Variants in GALNTL6 observed in about 807,000 individuals in gnomAD.
The protein encoded by GALNTL6 is polypeptide N-acetylgalactosaminyltransferase-like 6.
In GALNTL6, 46 loss-of-function variants were observed where a neutral mutation model predicts 73.7. The observed-to-expected ratio is 0.62, with a 90% CI of 0.49 to 0.80. The LOEUF (loss-of-function observed/expected upper bound fraction) is 0.80, where lower values mean the gene tolerates loss of function less well. Among genes scored for constraint, GALNTL6 ranks in the 30% least tolerant of loss-of-function variants. The pLI, the probability that GALNTL6 is intolerant of heterozygous loss-of-function variation, is 0.00. For missense variants in GALNTL6, 604 were observed against 755.0 expected, an observed-to-expected ratio of 0.80 and a Z score of 2.34; for synonymous variants, 259 against 263.7, an observed-to-expected ratio of 0.98 and a Z score of 0.17.
intron 2 of GALNTL6, among the ~76,000 whole-genome samples, chr4:171,925,636 T>A (rs1309793945): frequency 6.6e-6 from 1 of 152,226 alleles, no homozygotes; most frequent in Non-Finnish European, 1.5e-5. Context: ...TACATCTCCA[T>A]TTTAGAATTG....
intron 2 of GALNTL6, among the ~76,000 whole-genome samples, chr4:172,091,609 A>G (rs947619817): frequency 1.3e-5 from 2 of 152,104 alleles, no homozygotes; most frequent in African/African-American, 4.8e-5. Context: ...TTCCAGTCAA[A>G]GCCTTGGTAA....
intron 5 of GALNTL6, among the ~76,000 whole-genome samples, chr4:172,786,114 G>C (rs1337411113): frequency 6.6e-6 from 1 of 151,200 alleles, no homozygotes; most frequent in Non-Finnish European, 1.5e-5. Context: ...AGGGCTACGA[G>C]AGACACTAAT....
At chr4:171,850,358 T>C (rs1449235844) in intron 2 of GALNTL6, among the ~76,000 whole-genome samples, 1 of 152,196 alleles carries the variant, frequency 6.6e-6, no homozygotes, top group Non-Finnish European at 1.5e-5. Context: ...AACCAGTCCA[T>C]GGTCAGCGAT....
intron 7 of GALNTL6, among the ~76,000 whole-genome samples, chr4:172,872,135 G>T (rs1183576954): frequency 6.6e-6 from 1 of 152,134 alleles, no homozygotes; most frequent in Non-Finnish European, 1.5e-5. Flanking sequence ...GATATTTGGG[G>T]ATTCATTTCT....
intron 2 of GALNTL6, among the ~76,000 whole-genome samples, chr4:172,190,910 G>C (rs1041742439): frequency 1.4e-4 from 22 of 152,168 alleles, no homozygotes; most frequent in African/African-American, 5.3e-4. Flanking sequence ...CCAAAGGAAA[G>C]ATTTTATTCT....
intron 2 of GALNTL6, among the ~76,000 whole-genome samples, chr4:171,925,030 A>G (rs1737936356): frequency 6.6e-6 from 1 of 152,198 alleles, no homozygotes; most frequent in Non-Finnish European, 1.5e-5. Flanking sequence ...GACACCAAAG[A>G]TATGTGAATG....
Position 172,633,366 on chromosome 4 carries a change from G to A in GALNTL6, c.554-175995G>A, listed in dbSNP as rs185041736. Among the ~76,000 whole-genome samples the A allele has an allele frequency of 7.0e-4, 107 of 152,346 alleles. 1 individual carries two copies. The South Asian group carries it at 0.015, about 22-fold the overall frequency. ...GTATGACCTGGATGTAAGACATGGAGTCAAAGACAATCATTTTGGAGCTTT... is the reference window on the plus strand; with the variant it reads ...GTATGACCTGGATGTAAGACATGGAATCAAAGACAATCATTTTGGAGCTTT... On this transcript the variant is annotated intron_variant, in intron 5 of 12. Coordinates refer to ENST00000506823, the MANE Select transcript of GALNTL6 (RefSeq NM_001034845.3).
At chr4:172,618,468 C>T (rs570027163) in intron 5 of GALNTL6, among the ~76,000 whole-genome samples, 1 of 152,262 alleles carries the variant, frequency 6.6e-6, no homozygotes, top group East Asian at 1.9e-4. Context: ...GCCCCAGACC[C>T]AACTCATCTG....
chr4:172,360,540 G>A (rs956370398), intron 5 of GALNTL6, among the ~76,000 whole-genome samples: 3 of 151,904 alleles, frequency 2.0e-5, no homozygotes, highest in African/African-American at 7.3e-5. Context: ...CTAAATGAAC[G>A]GTTTTATTGC....
chr4:171,878,085 G>A (rs142779850), intron 2 of GALNTL6, among the ~76,000 whole-genome samples: 161 of 152,306 alleles, frequency 1.1e-3, no homozygotes, highest in Non-Finnish European at 1.0e-3. Context: ...TCTGTTCAGA[G>A]TAGAACTAAC....
At chr4:171,922,459 A>G (rs991546898) in intron 2 of GALNTL6, among the ~76,000 whole-genome samples, 1 of 152,138 alleles carries the variant, frequency 6.6e-6, no homozygotes, top group South Asian at 2.1e-4. Flanking sequence ...ATCTGGTACT[A>G]ATAAGAACAT....
intron 2 of GALNTL6, among the ~76,000 whole-genome samples, chr4:171,940,343 A>T (rs1640565761): frequency 6.7e-6 from 1 of 150,002 alleles, no homozygotes; most frequent in Non-Finnish European, 1.5e-5. Context: ...TTATTTGGGG[A>T]TGCAAATAAG....
intron 2 of GALNTL6, among the ~76,000 whole-genome samples, chr4:172,175,493 G>A (rs1343653961): frequency 6.6e-6 from 1 of 152,042 alleles, no homozygotes; most frequent in Non-Finnish European, 1.5e-5. Flanking sequence ...AGAGGCAAAA[G>A]GAACAAAACA....
chr4:172,739,168 T>C (rs544686859), intron 5 of GALNTL6, among the ~76,000 whole-genome samples: 1 of 152,298 alleles, frequency 6.6e-6, no homozygotes, highest in Admixed American at 6.5e-5. Flanking sequence ...ATTTAGATGG[T>C]TGGAGGGCCT....
chr4:172,750,446 A>G (rs11937988), intron 5 of GALNTL6, among the ~76,000 whole-genome samples: 2,061 of 152,294 alleles, frequency 0.014, 54 homozygotes, highest in African/African-American at 0.047. Context: ...AATGATGCCA[A>G]CATTATTGTC....
At chr4:172,925,010 T>A (rs1235292477) in intron 8 of GALNTL6, among the ~76,000 whole-genome samples, 1 of 152,110 alleles carries the variant, frequency 6.6e-6, no homozygotes. Flanking sequence ...TACCTGGGAC[T>A]ACAGGTGCCT....
At chr4:171,996,395 AAT>A (rs1263072611) in intron 2 of GALNTL6, among the ~76,000 whole-genome samples, 1 of 152,038 alleles carries the variant, frequency 6.6e-6, no homozygotes, top group Non-Finnish European at 1.5e-5. Flanking sequence ...TTATTTTATA[AAT>A]CAGATTTCTA....
At chr4:172,254,970 A>T (rs2111023172) in intron 3 of GALNTL6, among the ~76,000 whole-genome samples, 1 of 151,840 alleles carries the variant, frequency 6.6e-6, no homozygotes, top group African/African-American at 2.4e-5. Flanking sequence ...TTAAATTATA[A>T]CTAAAATGGA....
chr4:171,986,691 T>C (rs962728296), intron 2 of GALNTL6, among the ~76,000 whole-genome samples: 1 of 151,988 alleles, frequency 6.6e-6, no homozygotes, highest in African/African-American at 2.4e-5. Context: ...AAACATTTAT[T>C]GTGTAGAATT....
Sources: allele counts gnomAD v4.1 joint callset (sites outside exome capture counted in the v4.1 genomes callset), GRCh38; gene constraint gnomAD v4.1.1; transcripts MANE v1.5; gene names NCBI Gene and HGNC (gene_info 2026-07-23, HGNC 2026-07-21).